Variants in KIAA1217 observed in about 807,000 individuals in gnomAD.
KIAA1217 encodes KIAA1217, also known as sickle tail protein homolog.
A neutral mutation model predicts 163.9 loss-of-function variants in KIAA1217; 88 were observed. That is an observed-to-expected ratio of 0.54 (90% CI 0.45 to 0.64). The LOEUF is 0.64. Ranked by LOEUF, KIAA1217 falls within the 30% of genes least tolerant of loss-of-function variation. The pLI is 0.00. For synonymous variants in KIAA1217, 903 were observed against 923.1 expected, an observed-to-expected ratio of 0.98 and a Z score of 0.39; for missense variants, 2,372 against 2,475.0, an observed-to-expected ratio of 0.96 and a Z score of 0.88.
chr10:24,385,585 G>C (rs1400878490), intron 3 of KIAA1217, among the ~76,000 whole-genome samples: 2 of 152,176 alleles, frequency 1.3e-5, no homozygotes, highest in African/African-American at 4.8e-5. Flanking sequence ...GAAAGAAATT[G>C]ATGGGTTCAG....
intron 2 of KIAA1217, among the ~76,000 whole-genome samples, chr10:24,098,058 T>C (rs2062233702): frequency 1.3e-5 from 2 of 152,088 alleles, no homozygotes; most frequent in African/African-American, 4.8e-5. Flanking sequence ...AAAGGCCAGT[T>C]AACCCACAGA....
chr10:23,803,938 C>T (rs1572361), intron 1 of KIAA1217, among the ~76,000 whole-genome samples: 46,421 of 151,746 alleles, frequency 0.31, 8,035 homozygotes, highest in African/African-American at 0.47. Flanking sequence ...TAGATATCTA[C>T]GTGTTTATAA....
At chr10:23,860,425 G>A (rs992052332) in intron 1 of KIAA1217, among the ~76,000 whole-genome samples, 1 of 151,966 alleles carries the variant, frequency 6.6e-6, no homozygotes, top group Non-Finnish European at 1.5e-5. Flanking sequence ...TCCCATCAGA[G>A]CTGACAAGAT....
chr10:24,207,762 T>C (rs1391862708), upstream of KIAA1217, among the ~76,000 whole-genome samples: 1 of 152,194 alleles, frequency 6.6e-6, no homozygotes, highest in African/African-American at 2.4e-5. Flanking sequence ...CTGGTATGTC[T>C]CCTTTCCTTT....
intron 2 of KIAA1217, among the ~76,000 whole-genome samples, chr10:24,008,820 C>G (rs1239282219): frequency 1.3e-5 from 2 of 152,132 alleles, no homozygotes; most frequent in Non-Finnish European, 1.5e-5. Flanking sequence ...TGCCGTAACA[C>G]GAGGGAGCAG....
At chr10:24,527,658 T>C (rs994523385) in intron 13 of KIAA1217, among the ~76,000 whole-genome samples, 2 of 152,056 alleles carry the variant, frequency 1.3e-5, no homozygotes, top group African/African-American at 4.8e-5. Context: ...ATTGAGACCC[T>C]GCCTCTAAAA....
chr10:24,104,928 T>G (rs1382421822), intron 2 of KIAA1217, among the ~76,000 whole-genome samples: 1 of 152,186 alleles, frequency 6.6e-6, no homozygotes, highest in African/African-American at 2.4e-5. Flanking sequence ...CTTCATCTGG[T>G]TTTACCTGGA....
In KIAA1217 at chr10:24,524,726, C is replaced by A. The variant is rs1204672848; in HGVS notation, c.2860C>A (p.His954Asn). ...AMQSLFIEEI[H>N]SVSAKNRAVS... ...GCAGAGCTTGTTCATTGAAGAAATCCACAGTGTGAGTGCCAAGAACAGGGC... is the reference window on the plus strand; with the variant it reads ...GCAGAGCTTGTTCATTGAAGAAATCAACAGTGTGAGTGCCAAGAACAGGGC... The change falls in exon 13 of 21, where the codon CAC becomes AAC. Residue 954 changes from histidine (H) to asparagine (N), a missense_variant. Coordinates refer to ENST00000376454, the MANE Select transcript of KIAA1217 (RefSeq NM_019590.5). The A allele has an allele frequency of 2.5e-6, 4 of 1,609,324 alleles. No individual in the cohort carries two copies. Among genetic ancestry groups the A allele is most frequent in the Non-Finnish European group, 3.4e-6 (4 of 1,176,614 alleles).
intron 1 of KIAA1217, among the ~76,000 whole-genome samples, chr10:23,840,108 G>T (rs763746693): frequency 5.3e-5 from 8 of 151,842 alleles, no homozygotes; most frequent in Non-Finnish European, 1.2e-4. Flanking sequence ...TGGTATATCT[G>T]GTGTGCTATG....
intron 2 of KIAA1217, among the ~76,000 whole-genome samples, chr10:24,309,348 G>GCACACACACACA (rs1249615764): frequency 8.0e-6 from 1 of 125,404 alleles, no homozygotes; most frequent in African/African-American, 2.9e-5. Flanking sequence ...GCACGCGCGC[G>GCACACACACACA]CGCACACACA....
At chr10:23,741,080 C>A (rs1839086755) in intron 1 of KIAA1217, among the ~76,000 whole-genome samples, 1 of 152,212 alleles carries the variant, frequency 6.6e-6, no homozygotes, top group South Asian at 2.1e-4. Flanking sequence ...CAGTAGTACA[C>A]ATAGCCGCAA....
At chr10:23,749,696 C>T (rs553385563) in intron 1 of KIAA1217, among the ~76,000 whole-genome samples, 2 of 152,226 alleles carry the variant, frequency 1.3e-5, no homozygotes, top group Admixed American at 6.5e-5. Context: ...TGAGCCACCT[C>T]GCCCGGCATT....
chr10:24,253,966 C>CA (rs910748919), intron 2 of KIAA1217, among the ~76,000 whole-genome samples: 6 of 151,552 alleles, frequency 4.0e-5, no homozygotes, highest in African/African-American at 9.7e-5. Flanking sequence ...CTCTTGATCA[C>CA]AAAAAAAAGG....
intron 1 of KIAA1217, among the ~76,000 whole-genome samples, chr10:23,841,614 G>T (rs557843284): frequency 6.6e-5 from 10 of 151,428 alleles, no homozygotes; most frequent in Non-Finnish European, 1.5e-5. Context: ...ATTTGTAACA[G>T]AAAACCCAAC....
intron 2 of KIAA1217, among the ~76,000 whole-genome samples, chr10:24,278,913 G>A (rs944486104): frequency 6.7e-6 from 1 of 148,998 alleles, no homozygotes; most frequent in East Asian, 2.0e-4. Flanking sequence ...CTGGAGTGCA[G>A]CGGCCCAATC....
At chr10:23,964,646 C>G (rs1048560890) in intron 1 of KIAA1217, among the ~76,000 whole-genome samples, 22 of 152,074 alleles carry the variant, frequency 1.4e-4, no homozygotes, top group Admixed American at 8.5e-4. Context: ...ACCGCCACCT[C>G]CCAGGTTCAA....
chr10:23,716,388 T>G (rs546930081), intron 1 of KIAA1217, among the ~76,000 whole-genome samples: 2 of 152,322 alleles, frequency 1.3e-5, no homozygotes, highest in East Asian at 3.9e-4. Flanking sequence ...ATAGTTTGTG[T>G]GTGTATCTGT....
At chr10:24,202,767 G>A (rs567323376) in intron 2 of KIAA1217, among the ~76,000 whole-genome samples, 20 of 152,322 alleles carry the variant, frequency 1.3e-4, no homozygotes, top group African/African-American at 4.3e-4. Flanking sequence ...TAGAGCAGGC[G>A]CCCAGCTGCA....
chr10:24,337,394 G>A (rs2133731776), intron 2 of KIAA1217, among the ~76,000 whole-genome samples: 1 of 152,254 alleles, frequency 6.6e-6, no homozygotes, highest in East Asian at 1.9e-4. Context: ...TGAGTATGAA[G>A]GAGTATCTCA....
Sources: allele counts gnomAD v4.1 joint callset (sites outside exome capture counted in the v4.1 genomes callset), GRCh38; gene constraint gnomAD v4.1.1; transcripts MANE v1.5; gene names NCBI Gene and HGNC (gene_info 2026-07-23, HGNC 2026-07-21).